ITGAE: variants seen among roughly 807,000 people sequenced by gnomAD.
ITGAE encodes the protein integrin alpha-E.
ITGAE carries 99 observed loss-of-function variants against 136.5 expected under a neutral mutation model. The observed-to-expected ratio is 0.73, with a 90% CI of 0.62 to 0.86. The LOEUF is 0.86. ITGAE is among the 40% of genes least tolerant of loss of function. The pLI is 0.00. For missense variants in ITGAE, 1,447 were observed against 1,515.3 expected, an observed-to-expected ratio of 0.95 and a Z score of 0.75; for synonymous variants, 613 against 591.8, an observed-to-expected ratio of 1.04 and a Z score of -0.52.
At position 3,723,331 on chromosome 17, in the gene ITGAE, TTTTC is replaced by T. The variant is rs1246088183; in HGVS notation, c.3190_3193del (p.Glu1064MetfsTer17). 1 of 1,613,932 alleles carries T rather than the reference TTTTC, an allele frequency of 6.2e-7. No individual in the cohort carries two copies. Among genetic ancestry groups the T allele is most frequent in the Non-Finnish European group, 8.5e-7 (1 of 1,179,800 alleles). On this transcript the variant is annotated frameshift_variant, in exon 28 of 31. Coordinates refer to ENST00000263087, the MANE Select transcript of ITGAE (RefSeq NM_002208.5). LOFTEE classifies it high-confidence loss of function. ...GGAGATCTCTGCAGCCACGGTGACA[TTTTC>T]TTTATCTGAAGCGATGACACAGCTC...
At chr17:3,792,447 C>T (rs138243509) in intron 1 of ITGAE, among the ~76,000 whole-genome samples, 2 of 152,288 alleles carry the variant, frequency 1.3e-5, no homozygotes, top group East Asian at 3.9e-4. Context: ...TTTTTCTTCA[C>T]ATCTCTGCCT....
chr17:3,757,326 TCTC>T (rs2052052970), intron 9 of ITGAE, among the ~76,000 whole-genome samples, 192 bp from the exon 10 acceptor site: 2 of 152,194 alleles, frequency 1.3e-5, no homozygotes, highest in South Asian at 2.1e-4. Context: ...GTACACCTGT[TCTC>T]CTGAATACAC....
At position 3,714,951 on chromosome 17, in the gene ITGAE, A is replaced by G. The variant is rs1001067068; in HGVS notation, c.3445-9T>C. On this transcript the variant is annotated splice_polypyrimidine_tract_variant and intron_variant, in intron 30 of 30. Coordinates refer to ENST00000263087, the MANE Select transcript of ITGAE (RefSeq NM_002208.5). ...CTTTTAAAAAAGCCACACTGAAACAAAGGAAGGAAAAGTCCAGTTACAGGC... is the reference window on the plus strand; with the variant it reads ...CTTTTAAAAAAGCCACACTGAAACAGAGGAAGGAAAAGTCCAGTTACAGGC... 2 of 1,535,570 alleles carry G rather than the reference A, an allele frequency of 1.3e-6. No individual in the cohort carries two copies. Among genetic ancestry groups the G allele is most frequent in the African/African-American group, 2.7e-5 (2 of 73,338 alleles).
chr17:3,721,475 A>G (rs1359772286), intron 28 of ITGAE, among the ~76,000 whole-genome samples: 1 of 151,140 alleles, frequency 6.6e-6, no homozygotes, highest in Non-Finnish European at 1.5e-5. Context: ...ATGGGGTTTC[A>G]CTATGCTGCC....
intron 26 of ITGAE, chr17:3,724,843 G>A: frequency 6.2e-7 from 1 of 1,614,118 alleles, no homozygotes; most frequent in East Asian, 2.2e-5. Flanking sequence ...TGTCAAGAGA[G>A]AGGGCTTCAA....
chr17:3,764,605 G>T (rs1230133227), intron 2 of ITGAE, among the ~76,000 whole-genome samples: 1 of 152,198 alleles, frequency 6.6e-6, no homozygotes, highest in African/African-American at 2.4e-5. Flanking sequence ...GCTGAGGCAG[G>T]AGAATTGCTT....
At chr17:3,785,690 T>C (rs7220124) in intron 1 of ITGAE, among the ~76,000 whole-genome samples, 3,048 of 152,060 alleles carry the variant, frequency 0.02, 97 homozygotes, top group African/African-American at 0.069. Flanking sequence ...TATGAACACG[T>C]ATCAATGAAA....
At chr17:3,765,173 C>A (rs220473) in intron 2 of ITGAE, among the ~76,000 whole-genome samples, 2 of 151,530 alleles carry the variant, frequency 1.3e-5, no homozygotes, top group Non-Finnish European at 2.9e-5. Flanking sequence ...CATGGTGAAA[C>A]CCCGTCTCTA....
In ITGAE at chr17:3,777,630, T is replaced by C. The variant is rs756327817; in HGVS notation, c.65A>G (p.Asp22Gly). 2.5e-6 allele frequency: 4 copies of C among 1,613,752 alleles called. No homozygotes were observed. Among genetic ancestry groups the C allele is most frequent in the Non-Finnish European group, 3.4e-6 (4 of 1,179,844 alleles). ...GGGCGTGAGCCAGGGCCGGGCCACA[T>C]CCACATTGAAAGCGGCCAGCAGGGC... ...SLALLAAFNV[D>G]VARPWLTPKG... is the part of the protein sequence containing the mutation. Residue 22 changes from aspartate (D) to glycine (G), a missense_variant, in exon 2 of 31, where the codon GAT (aspartate) becomes GGT (glycine). Transcript: ENST00000263087.
chr17:3,740,999 C>T (rs563677484), intron 19 of ITGAE, among the ~76,000 whole-genome samples: 83 of 151,914 alleles, frequency 5.5e-4, no homozygotes, highest in African/African-American at 2.0e-3. Context: ...AAGGGGGATG[C>T]CATTTGCAGA....
intron 2 of ITGAE, among the ~76,000 whole-genome samples, chr17:3,767,424 G>C (rs1479657818): frequency 6.6e-6 from 1 of 151,952 alleles, no homozygotes; most frequent in African/African-American, 2.4e-5. Flanking sequence ...GTAGAGACAG[G>C]GTTTCACCAT....
intron 11 of ITGAE, 23 bp from the exon 12 acceptor site, chr17:3,755,284 C>G (rs770231495): frequency 6.5e-7 from 1 of 1,545,714 alleles, no homozygotes; most frequent in South Asian, 1.2e-5. Context: ...GGGATGGGGC[C>G]CAGATGAGTG....
Position 3,750,430 on chromosome 17 carries a change from A to G in ITGAE, c.1946T>C (p.Met649Thr). ...GCCACTAATATCAAAGCCACCAGCC[A>G]TGGACATGCCGAAGTACTGGAGTCC... The part of the protein sequence containing the change: ...APGLQYFGMS[M>T]AGGFDISGDG... Residue 649 changes from methionine to threonine, a missense_variant, in exon 16 of 31, where the codon ATG (methionine) becomes ACG (threonine). Around this residue, in one of 3 missense-constraint regions of ITGAE, gnomAD observed 1,031 missense variants for 1,011.4 expected, o/e 1.02. Transcript: ENST00000263087. 1.2e-6 allele frequency: 2 copies of G among 1,614,246 alleles called. No individual in the cohort carries two copies. Among genetic ancestry groups the G allele is most frequent in the Non-Finnish European group, 1.7e-6 (2 of 1,180,042 alleles).
At chr17:3,726,387 G>A (rs1022260117) in intron 26 of ITGAE, 63 of 1,284,906 alleles carry the variant, frequency 4.9e-5, no homozygotes, top group Non-Finnish European at 6.7e-5. Context: ...GAAGCCTCTG[G>A]TGCTGTTTCA....
At chr17:3,797,159 T>TA (rs1567566801) in intron 1 of ITGAE, among the ~76,000 whole-genome samples, 159 of 8,850 alleles carry the variant, frequency 0.018, no homozygotes, top group African/African-American at 0.06. Flanking sequence ...ATATATATAT[T>TA]TTTTTTTTTT....
chr17:3,750,449 G>A lies in ITGAE; in HGVS notation c.1927C>T (p.Gln643Ter). Residue 643 changes from glutamine to a stop codon, truncating the protein, a stop_gained, in exon 16 of 31, where the codon CAG (glutamine) becomes TAG (stop). Transcript: ENST00000263087. LOFTEE classifies it high-confidence loss of function. ...CCAGCCATGGACATGCCGAAGTACT[G>A]GAGTCCTGGGGCCACCGTGGAGGCT... is the stretch of plus-strand genomic sequence containing the variant. ...IRASTVAPGLQYFGMSMAGGF... is the reference protein window; with the variant it reads ...IRASTVAPGL 6.2e-7 allele frequency: 1 copy of A among 1,614,192 alleles called. No homozygotes were observed. The highest frequency in any genetic ancestry group is 8.5e-7 in the Non-Finnish European group (1 of 1,180,030).
chr17:3,721,468 G>T (rs988266148), intron 28 of ITGAE, among the ~76,000 whole-genome samples: 1 of 150,856 alleles, frequency 6.6e-6, no homozygotes, highest in Non-Finnish European at 1.5e-5. Flanking sequence ...TTAAGAAATG[G>T]GGTTTCACTA....
intron 8 of ITGAE, 58 bp downstream of exon 8, chr17:3,759,344 G>C (rs953694638): frequency 6.3e-7 from 1 of 1,582,646 alleles, no homozygotes; most frequent in South Asian, 1.1e-5. Context: ...TCCTCCATGA[G>C]TGATGCCACA....
intron 24 of ITGAE, among the ~76,000 whole-genome samples, chr17:3,728,862 G>A (rs1050282478): frequency 2.0e-5 from 3 of 151,146 alleles, no homozygotes; most frequent in South Asian, 2.1e-4. Context: ...TGAAATCCCC[G>A]TCTCTATTAA....
Sources: allele counts gnomAD v4.1 joint callset (sites outside exome capture counted in the v4.1 genomes callset), GRCh38; gene constraint gnomAD v4.1.1; regional missense constraint gnomAD v4.1.1; transcripts MANE v1.5; gene names NCBI Gene and HGNC (gene_info 2026-07-23, HGNC 2026-07-21).